SEMA3E: variants seen among roughly 807,000 people sequenced by gnomAD.
SEMA3E encodes the protein semaphorin-3E.
In SEMA3E, 49 loss-of-function variants were observed where a neutral mutation model predicts 93.6. The observed-to-expected ratio is 0.52, with a 90% CI of 0.42 to 0.66. SEMA3E has a LOEUF of 0.66. Among genes scored for constraint, SEMA3E ranks in the 30% least tolerant of loss-of-function variants. The pLI is 0.00. For synonymous variants in SEMA3E, 363 were observed against 330.7 expected, an observed-to-expected ratio of 1.10 and a Z score of -1.06; for missense variants, 906 against 964.8, an observed-to-expected ratio of 0.94 and a Z score of 0.81.
At chr7:83,368,120 G>T in intron 16 of SEMA3E, 82 bp from the exon 17 acceptor site, 1 of 1,290,772 alleles carries the variant, frequency 7.7e-7, no homozygotes, top group Non-Finnish European at 1.1e-6. Context: ...TACCTATCTT[G>T]AATTTTTTCA....
intron 1 of SEMA3E, among the ~76,000 whole-genome samples, chr7:83,512,981 T>C (rs1790855719): frequency 6.6e-6 from 1 of 152,220 alleles, no homozygotes; most frequent in Non-Finnish European, 1.5e-5. Flanking sequence ...ATACATATTC[T>C]TTGAAACACG....
At position 83,420,975 on chromosome 7, in the gene SEMA3E, G is replaced by A. The variant is rs535307375; in HGVS notation, c.457-2492C>T. Among the ~76,000 whole-genome samples, 37 of 142,270 alleles carry A rather than the reference G, an allele frequency of 2.6e-4. 4 individuals carry two copies. Among genetic ancestry groups the A allele is most frequent in the African/African-American group, 8.8e-4 (35 of 39,906 alleles). The allele number at this position is 142,270 out of a possible 152,430, so 93.3% of individuals were successfully genotyped here. On this transcript the variant is annotated intron_variant, in intron 4 of 16. Transcript: ENST00000643230. ...AACAAAAACAAAAACTGACAAGTGG[G>A]ACCTAATTAAAGAGCTTCTGCACAG...
At chr7:83,512,274 A>G (rs1040639943) in intron 1 of SEMA3E, among the ~76,000 whole-genome samples, 2 of 152,192 alleles carry the variant, frequency 1.3e-5, no homozygotes, top group Admixed American at 6.5e-5. Flanking sequence ...AAGCAAACAC[A>G]CTTCCTAGAC....
Position 83,437,263 on chromosome 7 carries a change from T to C in SEMA3E, c.457-18780A>G, listed in dbSNP as rs80040052. Among the ~76,000 whole-genome samples the C allele has an allele frequency of 4.9e-3, 749 of 152,300 alleles. 7 individuals are homozygous for C. The highest frequency in any genetic ancestry group is 0.017 in the African/African-American group (716 of 41,586). ...TAATAATAATAATAAAGTTTGATTA[T>C]CACTTCATGTCCTACAACCTTGTAC... On this transcript the variant is annotated intron_variant, in intron 4 of 16. Coordinates refer to ENST00000643230, the MANE Select transcript of SEMA3E (RefSeq NM_012431.3).
intron 4 of SEMA3E, among the ~76,000 whole-genome samples, chr7:83,420,740 A>G (rs781035860): frequency 6.6e-6 from 1 of 152,200 alleles, no homozygotes; most frequent in Non-Finnish European, 1.5e-5. Context: ...TCCCTATTCA[A>G]TAATTGGCAC....
chr7:83,379,343 T>C (rs2116907949), intron 16 of SEMA3E, among the ~76,000 whole-genome samples: 1 of 151,884 alleles, frequency 6.6e-6, no homozygotes, highest in Middle Eastern at 3.4e-3. Flanking sequence ...GAGTCACCAC[T>C]ATGCAATGTA....
At chr7:83,611,982 T>G (rs969426836) in intron 1 of SEMA3E, among the ~76,000 whole-genome samples, 1 of 152,130 alleles carries the variant, frequency 6.6e-6, no homozygotes, top group Non-Finnish European at 1.5e-5. Flanking sequence ...CTGTCCTCCC[T>G]GCTCCCTCCA....
intron 16 of SEMA3E, among the ~76,000 whole-genome samples, chr7:83,377,523 G>A (rs370897000): frequency 2.6e-5 from 4 of 151,936 alleles, no homozygotes; most frequent in African/African-American, 9.7e-5. Context: ...TTTTATTTAC[G>A]ATAGGCAGAG....
Position 83,367,575 on chromosome 7 carries a change from G to T in SEMA3E, c.*11C>A, listed in dbSNP as rs1310232191. On this transcript the variant is annotated 3_prime_UTR_variant, in exon 17 of 17. Transcript: ENST00000643230. ...TAAATTCTTCAAAAGACAGTAGATA[G>T]TCTCACCCCATCAGGAGTCCAGCGT... The T allele has an allele frequency of 2.5e-6, 4 of 1,613,060 alleles. No homozygotes were observed. Among genetic ancestry groups the T allele is most frequent in the East Asian group, 4.5e-5 (2 of 44,860 alleles).
At chr7:83,648,244 G>T (rs1314887617) in intron 1 of SEMA3E, among the ~76,000 whole-genome samples, 184 bp downstream of exon 1, 1 of 152,068 alleles carries the variant, frequency 6.6e-6, no homozygotes, top group Non-Finnish European at 1.5e-5. Flanking sequence ...TTCAGATGAG[G>T]TGAGTATGAC....
chr7:83,621,787 A>G (rs1469741070), intron 1 of SEMA3E, among the ~76,000 whole-genome samples: 1 of 152,210 alleles, frequency 6.6e-6, no homozygotes, highest in Non-Finnish European at 1.5e-5. Flanking sequence ...TTGGCTAGCC[A>G]TATGCAGAAA....
intron 4 of SEMA3E, among the ~76,000 whole-genome samples, chr7:83,449,173 CA>C (rs1789300755): frequency 2.0e-5 from 3 of 151,688 alleles, no homozygotes; most frequent in Non-Finnish European, 4.4e-5. Context: ...AATCTTGGCT[CA>C]CTGCAACCTC....
At chr7:83,434,502 C>G (rs949763302) in intron 4 of SEMA3E, among the ~76,000 whole-genome samples, 1 of 152,158 alleles carries the variant, frequency 6.6e-6, no homozygotes, top group African/African-American at 2.4e-5. Flanking sequence ...GCAAAACTGA[C>G]TAGCGTCTTA....
intron 4 of SEMA3E, among the ~76,000 whole-genome samples, chr7:83,429,760 A>C (rs1378481685): frequency 6.6e-6 from 1 of 152,180 alleles, no homozygotes; most frequent in Non-Finnish European, 1.5e-5. Flanking sequence ...TTAAAGTTGC[A>C]TGCATGATAA....
intron 1 of SEMA3E, among the ~76,000 whole-genome samples, chr7:83,556,941 A>G (rs1436721895): frequency 6.6e-6 from 1 of 152,146 alleles, no homozygotes; most frequent in Non-Finnish European, 1.5e-5. Flanking sequence ...CCATCTCAGA[A>G]GCAAAGACTA....
rs759819530 is a variant in SEMA3E at position 83,367,674 on chromosome 7, G to T, written c.2240C>A (p.Ser747Tyr). 1 of 1,614,072 alleles carries T rather than the reference G, an allele frequency of 6.2e-7. No homozygotes were observed. The highest frequency in any genetic ancestry group is 1.1e-5 in the South Asian group (1 of 91,072). ...CTGAGGGTTGGCATACTTCCACTTGGAGGGTGACATTTTAAGCTTTTTCCT... is the reference window on the plus strand; with the variant it reads ...CTGAGGGTTGGCATACTTCCACTTGTAGGGTGACATTTTAAGCTTTTTCCT... ...RKRKKLKMSP[S>Y]KWKYANPQEK... Residue 747 changes from serine (S) to tyrosine (Y), a missense_variant, in exon 17 of 17, where the codon TCC becomes TAC. Physicochemically the swap from Ser to Tyr is moderately radical, Grantham distance 144. Coordinates refer to ENST00000643230, the MANE Select transcript of SEMA3E (RefSeq NM_012431.3).
At chr7:83,384,521 T>C (rs2116915357) in intron 16 of SEMA3E, among the ~76,000 whole-genome samples, 1 of 152,170 alleles carries the variant, frequency 6.6e-6, no homozygotes, top group Non-Finnish European at 1.5e-5. Context: ...GCTATCTTTG[T>C]AATTCCACTT....
intron 4 of SEMA3E, among the ~76,000 whole-genome samples, chr7:83,455,929 G>C (rs911783583): frequency 6.6e-6 from 1 of 152,158 alleles, no homozygotes. Flanking sequence ...CAGAAAGATT[G>C]CAACACCTTG....
chr7:83,632,574 C>T (rs1793808114), intron 1 of SEMA3E, among the ~76,000 whole-genome samples: 2 of 152,300 alleles, frequency 1.3e-5, no homozygotes, highest in Non-Finnish European at 2.9e-5. Flanking sequence ...CTCCTCCTTG[C>T]CTTCCGCCAT....
Sources: allele counts gnomAD v4.1 joint callset (sites outside exome capture counted in the v4.1 genomes callset), GRCh38; gene constraint gnomAD v4.1.1; transcripts MANE v1.5; gene names NCBI Gene and HGNC (gene_info 2026-07-23, HGNC 2026-07-21).